TRAM2: variants seen among roughly 807,000 people sequenced by gnomAD.
TRAM2 encodes the protein translocating chain-associated membrane protein 2.
A neutral mutation model predicts 51.0 loss-of-function variants in TRAM2; 12 were observed. That is an observed-to-expected ratio of 0.24 (90% CI 0.15 to 0.38). The LOEUF is 0.38. Ranked by LOEUF, TRAM2 falls within the 10% of genes least tolerant of loss-of-function variation. The pLI, the probability that TRAM2 is intolerant of heterozygous loss-of-function variation, is 1.00. For missense variants in TRAM2, 361 were observed against 462.0 expected (o/e 0.78, Z 2.00); for synonymous variants, 175 against 179.4 (o/e 0.98, Z 0.20).
intron 1 of TRAM2, among the ~76,000 whole-genome samples, chr6:52,556,529 G>A (rs548847514): frequency 4.0e-5 from 6 of 151,856 alleles, no homozygotes; most frequent in South Asian, 4.2e-4. Context: ...TGATCCACTC[G>A]CCTTGCCCCC....
At chr6:52,558,112 C>T (rs1767440272) in intron 1 of TRAM2, among the ~76,000 whole-genome samples, 1 of 152,174 alleles carries the variant, frequency 6.6e-6, no homozygotes, top group Non-Finnish European at 1.5e-5. Context: ...CACCTCAGGC[C>T]ACGTGGGCTC....
chr6:52,525,142 G>A (rs1766754736), intron 2 of TRAM2: 1 of 152,288 alleles, frequency 6.6e-6, no homozygotes, highest in Non-Finnish European at 1.5e-5. Context: ...CCTGCAGCTA[G>A]GCAGCAGTGG....
chr6:52,543,904 A>G (rs765123703), intron 1 of TRAM2, among the ~76,000 whole-genome samples: 6 of 152,218 alleles, frequency 3.9e-5, no homozygotes, highest in Non-Finnish European at 5.9e-5. Flanking sequence ...TGGACCAGGC[A>G]GGACCCAGGT....
rs758282274 is a variant in TRAM2, at chr6:52,506,071, G to A, written c.692C>T (p.Ala231Val). 1.9e-6 allele frequency: 3 copies of A among 1,614,210 alleles called. No individual in the cohort carries two copies. The change falls in exon 8 of 11, where the codon GCT becomes GTT. Residue 231 changes from alanine (A) to valine (V), a missense_variant. Transcript: ENST00000182527. Reference protein sequence around the residue: ...QYSTEFLFHTARLFYFADENN... With the variant: ...QYSTEFLFHTVRLFYFADENN... Reference sequence around the variant, plus strand: ...TTCATCTGCAAAGTAGAAGAGTCTAGCCGTGTGGAAGAGGAACTCAGTTGA... The same window carrying A: ...TTCATCTGCAAAGTAGAAGAGTCTAACCGTGTGGAAGAGGAACTCAGTTGA...
chr6:52,521,970 C>T (rs749405156), intron 2 of TRAM2, among the ~76,000 whole-genome samples: 26 of 152,150 alleles, frequency 1.7e-4, no homozygotes, highest in African/African-American at 2.2e-4. Context: ...CTACAGGGAC[C>T]GGGGGGAGCA....
intron 2 of TRAM2, among the ~76,000 whole-genome samples, chr6:52,531,548 G>C (rs1038100416): frequency 3.3e-5 from 5 of 152,172 alleles, no homozygotes; most frequent in Admixed American, 1.3e-4. Flanking sequence ...GAATTCAATA[G>C]TGCCACCCTG....
At chr6:52,568,018 T>A (rs1427241757) in intron 1 of TRAM2, among the ~76,000 whole-genome samples, 1 of 152,200 alleles carries the variant, frequency 6.6e-6, no homozygotes, top group African/African-American at 2.4e-5. Flanking sequence ...GTTCTACATG[T>A]CCATGTTAAG....
rs2114051819 is a variant in TRAM2 at position 52,499,457 on chromosome 6, A to G, written c.*3740T>C. On this transcript the variant is annotated 3_prime_UTR_variant, in exon 11 of 11. Coordinates refer to ENST00000182527, the MANE Select transcript of TRAM2 (RefSeq NM_012288.4). Reference sequence around the variant, plus strand: ...ACCAACTAGGAAGGCTGAAGCATACAAAGGAAACCCAAGCGAAGGCCTTTT... The same window carrying G: ...ACCAACTAGGAAGGCTGAAGCATACGAAGGAAACCCAAGCGAAGGCCTTTT... The G allele has an allele frequency of 6.6e-6, 1 of 152,354 alleles. No homozygotes were observed. The highest frequency in any genetic ancestry group is 1.9e-4 in the East Asian group (1 of 5,190). The allele number at this position is 152,354 out of a possible 1,614,324, so 9.4% of individuals were successfully genotyped here. A position where few individuals can be genotyped will look rare whatever the true frequency, so the allele number is the denominator to read the frequency against.
intron 1 of TRAM2, among the ~76,000 whole-genome samples, chr6:52,570,806 C>CT (rs1554267142): frequency 1.8e-4 from 24 of 132,718 alleles, no homozygotes; most frequent in African/African-American, 5.7e-4. Flanking sequence ...CCCCCCCCCC[C>CT]ACACGCACAC....
intron 2 of TRAM2, among the ~76,000 whole-genome samples, chr6:52,521,503 C>G (rs1259749837): frequency 4.0e-5 from 6 of 151,490 alleles, no homozygotes; most frequent in Admixed American, 2.0e-4. Flanking sequence ...ACCATCCTGG[C>G]TAACATGGTG....
chr6:52,515,932 G>T, intron 4 of TRAM2, 74 bp downstream of exon 4: 2 of 1,311,188 alleles, frequency 1.5e-6, no homozygotes, highest in South Asian at 1.2e-5. Context: ...GCAGTCATTT[G>T]ATTAGCAATC....
At chr6:52,551,654 C>A (rs1767311676) in intron 1 of TRAM2, among the ~76,000 whole-genome samples, 1 of 152,230 alleles carries the variant, frequency 6.6e-6, no homozygotes, top group African/African-American at 2.4e-5. Context: ...GGTTTGGAAT[C>A]TGCTGAGTCT....
intron 1 of TRAM2, among the ~76,000 whole-genome samples, chr6:52,556,542 A>G (rs1767409709): frequency 6.6e-6 from 1 of 151,012 alleles, no homozygotes; most frequent in Non-Finnish European, 1.5e-5. Flanking sequence ...TTGCCCCCAC[A>G]GAGTGTTGGG....
intron 2 of TRAM2, among the ~76,000 whole-genome samples, chr6:52,521,022 C>G (rs1382574718): frequency 1.3e-5 from 2 of 152,174 alleles, no homozygotes; most frequent in Non-Finnish European, 2.9e-5. Context: ...CTTGCCTCAG[C>G]CTCCCAAGTA....
chr6:52,505,523 T>G lies in TRAM2; in HGVS notation c.875+76A>C, dbSNP rs570227910. The G allele has an allele frequency of 3.3e-6, 5 of 1,514,144 alleles. No homozygotes were observed. The African/African-American group carries it at 6.9e-5, about 21-fold the overall frequency. The allele number at this position is 1,514,144 out of a possible 1,614,324, so 93.8% of individuals were successfully genotyped here. ...GTGGGAGACTAAAGGGTCTGCTGCC[T>G]CCAGACCTTCTGCAAGGGCTGTGCC... On this transcript the variant is annotated intron_variant, in intron 9 of 10. Coordinates refer to ENST00000182527, the MANE Select transcript of TRAM2 (RefSeq NM_012288.4).
chr6:52,524,721 A>G (rs553905491), intron 2 of TRAM2: 1 of 152,324 alleles, frequency 6.6e-6, no homozygotes, highest in South Asian at 2.1e-4. Context: ...TTGTACAGAT[A>G]AAGTGGTGTC....
chr6:52,529,823 T>C (rs953370187), intron 2 of TRAM2: 1 of 152,186 alleles, frequency 6.6e-6, no homozygotes. Context: ...CTGTTCTAGA[T>C]CAGAAAGGAA....
chr6:52,569,561 T>C (rs913948292), intron 1 of TRAM2, among the ~76,000 whole-genome samples: 1 of 151,786 alleles, frequency 6.6e-6, no homozygotes, highest in Non-Finnish European at 1.5e-5. Context: ...GCTTGAATAC[T>C]AACCACACTA....
intron 1 of TRAM2, among the ~76,000 whole-genome samples, chr6:52,576,315 G>T (rs1382116307): frequency 6.6e-6 from 1 of 152,220 alleles, no homozygotes; most frequent in African/African-American, 2.4e-5. Flanking sequence ...AAAACACCCA[G>T]AAAATCACAT....
Sources: gnomAD v4.1 joint callset for allele counts (sites outside exome capture counted in the v4.1 genomes callset) on GRCh38, gnomAD v4.1.1 for gene constraint, MANE v1.5 for transcripts, NCBI Gene and HGNC (gene_info 2026-07-23, HGNC 2026-07-21) for gene names.